The following VPS41 variants were observed in gnomAD, a reference collection of about 807,000 sequenced individuals.
VPS41 encodes vacuolar protein sorting-associated protein 41 homolog.
VPS41 carries 85 observed loss-of-function variants against 130.9 expected under a neutral mutation model. That is an observed-to-expected ratio of 0.65 (90% CI 0.55 to 0.78). The LOEUF is 0.78. Ranked by LOEUF, VPS41 falls within the 30% of genes least tolerant of loss-of-function variation. The pLI is 0.00. For missense variants in VPS41, 874 were observed against 1,018.7 expected (o/e 0.86, Z 1.93); for synonymous variants, 335 against 332.9 (o/e 1.01, Z -0.07).
intron 7 of VPS41, among the ~76,000 whole-genome samples, chr7:38,799,335 C>T (rs1337348538): frequency 1.3e-5 from 2 of 151,760 alleles, no homozygotes; most frequent in Non-Finnish European, 2.9e-5. Flanking sequence ...AAGAACAATA[C>T]AAAACAAAAA....
rs865891716 is a variant in VPS41 at position 38,761,388 on chromosome 7, G to A, written c.1422+2067C>T. On this transcript the variant is annotated intron_variant, in intron 17 of 28. Transcript: ENST00000310301. Reference sequence around the variant, plus strand: ...CCTCCTAGGCTCAAGCAAGTCTCTCGCTTCAGCCTCCCAAATAGCTGGGAC... The same window carrying A: ...CCTCCTAGGCTCAAGCAAGTCTCTCACTTCAGCCTCCCAAATAGCTGGGAC... Among the ~76,000 whole-genome samples the A allele has an allele frequency of 5.5e-5, 8 of 144,850 alleles. 1 individual carries two copies. The highest frequency in any genetic ancestry group is 1.3e-4 in the African/African-American group (5 of 39,334).
At position 38,883,827 on chromosome 7, in the gene VPS41, T is replaced by C. The variant is rs151156368; in HGVS notation, c.60+14264A>G. ...AAAAATCTTGCCCCCAGAAAGTTTC[T>C]ACTAAGTTTCCAAACATATAATTTT... On this transcript the variant is annotated intron_variant, in intron 2 of 28. Coordinates refer to ENST00000310301, the MANE Select transcript of VPS41 (RefSeq NM_014396.4). 3.8e-3 allele frequency among the ~76,000 whole-genome samples: 572 copies of C among 152,336 alleles called. 6 individuals carry two copies. Among genetic ancestry groups the C allele is most frequent in the African/African-American group, 0.013 (555 of 41,576 alleles).
At chr7:38,837,211 G>A (rs1216750710) in intron 4 of VPS41, among the ~76,000 whole-genome samples, 1 of 151,434 alleles carries the variant, frequency 6.6e-6, no homozygotes, top group Non-Finnish European at 1.5e-5. Context: ...GGGTAGGCCT[G>A]CCATACCCAA....
intron 27 of VPS41, among the ~76,000 whole-genome samples, chr7:38,728,082 A>T (rs1795583253): frequency 6.6e-6 from 1 of 151,946 alleles, no homozygotes; most frequent in African/African-American, 2.4e-5. Context: ...CTACCTATAA[A>T]TTTTTTTTCC....
chr7:38,729,566 C>T (rs1409048519), intron 25 of VPS41, among the ~76,000 whole-genome samples: 1 of 152,152 alleles, frequency 6.6e-6, no homozygotes, highest in African/African-American at 2.4e-5. Context: ...TGTTTCTTTA[C>T]ACATTTTTCT....
intron 22 of VPS41, among the ~76,000 whole-genome samples, chr7:38,751,392 C>A (rs1783670247): frequency 6.6e-6 from 1 of 152,196 alleles, no homozygotes; most frequent in African/African-American, 2.4e-5. Context: ...AACTGTAGGA[C>A]ATAATACTGT....
intron 5 of VPS41, among the ~76,000 whole-genome samples, chr7:38,824,622 C>T (rs1473865287): frequency 6.6e-6 from 1 of 151,932 alleles, no homozygotes; most frequent in East Asian, 1.9e-4. Context: ...ATCTTTTTAC[C>T]TAAAGTGTAA....
chr7:38,843,235 T>A (rs1347441917), intron 4 of VPS41, among the ~76,000 whole-genome samples: 1 of 152,200 alleles, frequency 6.6e-6, no homozygotes, highest in East Asian at 1.9e-4. Context: ...AATACTCAAC[T>A]GAAAAGATTT....
rs770335597 is a variant in VPS41 at position 38,728,525 on chromosome 7, G to A, written c.2404+17C>T. ...TAAAATACATGTTTGGGATTTTTTT[G>A]GGGAAAACCTTCTTACCTGATGGAA... On this transcript the variant is annotated intron_variant, in intron 27 of 28. Transcript: ENST00000310301. 5 of 1,613,786 alleles carry A rather than the reference G, an allele frequency of 3.1e-6. No individual in the cohort carries two copies. The East Asian group carries it at 8.9e-5, about 29-fold the overall frequency.
At position 38,726,144 on chromosome 7, in the gene VPS41, TAAAC is replaced by T. The variant is rs1795536260; in HGVS notation, c.*98_*101del. ...ATTGTTTTTGAGTATAATATAAACA[TAAAC>T]AAATCTCTTAACAGCACGAGTGTCA... On this transcript the variant is annotated 3_prime_UTR_variant, in exon 29 of 29. Coordinates refer to ENST00000310301, the MANE Select transcript of VPS41 (RefSeq NM_014396.4). 2 of 764,786 alleles carry T rather than the reference TAAAC, an allele frequency of 2.6e-6. No individual in the cohort carries two copies. 47.4% of individuals were successfully genotyped at this position (764,786 alleles called of 1,614,324 possible).
At chr7:38,759,428 T>A (rs906026550) in intron 17 of VPS41, among the ~76,000 whole-genome samples, 2 of 152,164 alleles carry the variant, frequency 1.3e-5, no homozygotes, top group East Asian at 3.9e-4. Context: ...ATTTAAACCA[T>A]CCCTAAAAGT....
Position 38,844,387 on chromosome 7 carries a change from T to C in VPS41, c.247-14059A>G, listed in dbSNP as rs3801130. ...CCCTAATATTCTCTAACTTCTAACA[T>C]AGACTGAAAAAACTAAATTTGTTAG... is the stretch of plus-strand genomic sequence containing the variant. On this transcript the variant is annotated intron_variant, in intron 4 of 28. Transcript: ENST00000310301. Among the ~76,000 whole-genome samples the C allele has an allele frequency of 1.3e-4, 20 of 152,342 alleles. No individual in the cohort carries two copies. In the East Asian group the frequency reaches 3.7e-3, roughly 28 times the overall value.
chr7:38,776,824 C>A, intron 10 of VPS41, 48 bp from the exon 11 acceptor site: 1 of 1,045,780 alleles, frequency 9.6e-7, no homozygotes, highest in Non-Finnish European at 1.5e-6. Flanking sequence ...GGGCAAACAG[C>A]AGCACACATC....
At chr7:38,733,801 G>C (rs1795713720) in intron 25 of VPS41, among the ~76,000 whole-genome samples, 2 of 152,154 alleles carry the variant, frequency 1.3e-5, no homozygotes, top group African/African-American at 4.8e-5. Context: ...ACAATCGGAT[G>C]GTTGTGGTAG....
At chr7:38,840,321 C>G (rs182078346) in intron 4 of VPS41, among the ~76,000 whole-genome samples, 1 of 152,246 alleles carries the variant, frequency 6.6e-6, no homozygotes, top group Admixed American at 6.5e-5. Flanking sequence ...ATCCATCATT[C>G]TTACCTAGCA....
At chr7:38,892,257 T>C (rs963663807) in intron 2 of VPS41, among the ~76,000 whole-genome samples, 2 of 152,102 alleles carry the variant, frequency 1.3e-5, no homozygotes, top group South Asian at 4.1e-4. Context: ...GCAGTATAAC[T>C]AGAGGTTGGA....
chr7:38,814,680 T>C (rs1156588352), intron 7 of VPS41, among the ~76,000 whole-genome samples: 2 of 151,836 alleles, frequency 1.3e-5, no homozygotes, highest in Non-Finnish European at 2.9e-5. Flanking sequence ...CAAAAAAACA[T>C]AAACCAACAC....
chr7:38,842,974 G>C (rs1207174646), intron 4 of VPS41, among the ~76,000 whole-genome samples: 1 of 152,076 alleles, frequency 6.6e-6, no homozygotes, highest in Non-Finnish European at 1.5e-5. Flanking sequence ...AGCTCCCAAG[G>C]GAACAAGAAC....
chr7:38,766,082 A>C (rs548014123), intron 15 of VPS41, among the ~76,000 whole-genome samples: 1 of 152,344 alleles, frequency 6.6e-6, no homozygotes, highest in African/African-American at 2.4e-5. Context: ...ACAAAATCAG[A>C]CTTCAGAAAA....
Sources: allele counts gnomAD v4.1 joint callset (sites outside exome capture counted in the v4.1 genomes callset), GRCh38; gene constraint gnomAD v4.1.1; transcripts MANE v1.5; gene names NCBI Gene and HGNC (gene_info 2026-07-23, HGNC 2026-07-21).